SERP2: variants seen among roughly 807,000 people sequenced by gnomAD.
SERP2 encodes stress associated endoplasmic reticulum protein family member 2, also known as stress-associated endoplasmic reticulum protein 2.
A neutral mutation model predicts 9.1 loss-of-function variants in SERP2; 6 were observed. The ratio of observed to expected loss-of-function variants is 0.66; its 90% confidence interval spans 0.36 to 1.30. The LOEUF is 1.30. Ranked by LOEUF, SERP2 falls within the 50% of genes most tolerant of loss-of-function variation. SERP2 has a pLI of 0.03. For synonymous variants in SERP2, 37 were observed against 27.3 expected, an observed-to-expected ratio of 1.35 and a Z score of -1.10; for missense variants, 58 against 81.9, an observed-to-expected ratio of 0.71 and a Z score of 1.13.
intron 2 of SERP2, among the ~76,000 whole-genome samples, chr13:44,393,904 G>A (rs1443094210): frequency 1.3e-5 from 2 of 152,172 alleles, no homozygotes; most frequent in Non-Finnish European, 2.9e-5. Flanking sequence ...TCTTGTGGAG[G>A]TAAATGGTGA....
chr13:44,397,218 G>A (rs1873163158), intron 2 of SERP2, 54 bp from the exon 3 acceptor site: 2 of 1,542,570 alleles, frequency 1.3e-6, no homozygotes, highest in African/African-American at 1.4e-5. Context: ...TGTGGGCTGG[G>A]TTTCCAGCTG....
At chr13:44,387,116 A>ATGTC (rs1240693740) in intron 2 of SERP2, among the ~76,000 whole-genome samples, 1 of 152,198 alleles carries the variant, frequency 6.6e-6, no homozygotes, top group Non-Finnish European at 1.5e-5. Flanking sequence ...ATTAGCTGGA[A>ATGTC]TGTCTGTCTG....
intron 2 of SERP2, 55 bp from the exon 3 acceptor site, chr13:44,397,217 G>C: frequency 6.6e-7 from 1 of 1,523,350 alleles, no homozygotes; most frequent in Non-Finnish European, 9.1e-7. Flanking sequence ...CTGTGGGCTG[G>C]GTTTCCAGCT....
In SERP2 at chr13:44,379,661, T is replaced by C; in HGVS notation, c.105T>C (p.Tyr35=). 1 of 1,612,954 alleles carries C rather than the reference T, an allele frequency of 6.2e-7. No individual in the cohort carries two copies. The highest frequency in any genetic ancestry group is 8.5e-7 in the Non-Finnish European group (1 of 1,179,384). Residue 35 remains tyrosine (Y), a synonymous_variant, in exon 2 of 3, where the codon TAT becomes TAC. Transcript: ENST00000379179. Reference sequence around the variant, plus strand: ...TTTAGAGGCCGCAAGAGGAGAAATATCCTGTGGGACCATGGCTGTTGGCAC... The same window carrying C: ...TTTAGAGGCCGCAAGAGGAGAAATACCCTGTGGGACCATGGCTGTTGGCAC... ...AKTLRPQEEK[Y]PVGPWLLALF...
At chr13:44,394,139 A>T (rs1257758616) in intron 2 of SERP2, among the ~76,000 whole-genome samples, 1 of 151,834 alleles carries the variant, frequency 6.6e-6, no homozygotes, top group East Asian at 1.9e-4. Flanking sequence ...TATTATTTTT[A>T]TTTATTTATT....
At chr13:44,396,920 G>A (rs543648048) in intron 2 of SERP2, among the ~76,000 whole-genome samples, 3 of 152,326 alleles carry the variant, frequency 2.0e-5, no homozygotes, top group South Asian at 4.1e-4. Context: ...TTTAATGAGT[G>A]CAGTTTCTGC....
chr13:44,382,572 A>G (rs1397330119), intron 2 of SERP2, among the ~76,000 whole-genome samples: 1 of 152,162 alleles, frequency 6.6e-6, no homozygotes, highest in Non-Finnish European at 1.5e-5. Flanking sequence ...CAGTCTGTAG[A>G]TTGTCAGACC....
At chr13:44,377,342 A>C (rs1322221017) in intron 1 of SERP2, among the ~76,000 whole-genome samples, 1 of 152,246 alleles carries the variant, frequency 6.6e-6, no homozygotes, top group Non-Finnish European at 1.5e-5. Flanking sequence ...ATATAGCATC[A>C]GTGGCACAAC....
chr13:44,379,576 TG>T, intron 1 of SERP2, 64 bp from the exon 2 acceptor site: 2 of 1,243,850 alleles, frequency 1.6e-6, no homozygotes, highest in South Asian at 1.3e-5. Context: ...CAATGCCTAG[TG>T]ATACTCAAAT....
intron 2 of SERP2, among the ~76,000 whole-genome samples, chr13:44,392,370 C>T (rs1872833475): frequency 6.6e-6 from 1 of 151,732 alleles, no homozygotes; most frequent in Admixed American, 6.6e-5. Context: ...CAACGGGAAG[C>T]TTTTGATGTG....
rs1873196432 is a variant in SERP2 at position 44,397,583 on chromosome 13, T to C, written c.*271T>C. ...CGGGTCGTCCGCAGCAGTGCTGTTT[T>C]TTTGGTTTTTCCCTTGGTTTCACTA... is the stretch of plus-strand genomic sequence containing the variant. On this transcript the variant is annotated 3_prime_UTR_variant, in exon 3 of 3. Transcript: ENST00000379179. 2 of 498,006 alleles carry C rather than the reference T, an allele frequency of 4.0e-6. No homozygotes were observed. Among genetic ancestry groups the C allele is most frequent in the East Asian group, 7.4e-5 (2 of 26,932 alleles). 30.8% of individuals were successfully genotyped at this position (498,006 alleles called of 1,614,324 possible). A position where few individuals can be genotyped will look rare whatever the true frequency, so the allele number is the denominator to read the frequency against.
intron 2 of SERP2, among the ~76,000 whole-genome samples, chr13:44,380,548 TA>T (rs959667113): frequency 4.0e-5 from 6 of 150,532 alleles, no homozygotes; most frequent in African/African-American, 7.3e-5. Flanking sequence ...TCATGAAAAT[TA>T]AAAAAAAAAT....
chr13:44,397,258 T>C lies in SERP2; in HGVS notation c.158-14T>C, dbSNP rs1595060690. ...CAGTCTGGTGTCTGAGCTGTGGTGT[T>C]TTCCTCTTTTCAGCTATCTTTCAGA... On this transcript the variant is annotated splice_polypyrimidine_tract_variant and intron_variant, in intron 2 of 2. Coordinates refer to ENST00000379179, the MANE Select transcript of SERP2 (RefSeq NM_001010897.3). 3.7e-6 allele frequency: 6 copies of C among 1,613,166 alleles called. No homozygotes were observed. The highest frequency in any genetic ancestry group is 5.1e-6 in the Non-Finnish European group (6 of 1,179,284).
intron 1 of SERP2, among the ~76,000 whole-genome samples, chr13:44,374,356 T>C (rs1871512436): frequency 6.6e-6 from 1 of 152,154 alleles, no homozygotes; most frequent in Non-Finnish European, 1.5e-5. Flanking sequence ...CTACCTGGGC[T>C]ACCAGGGAGG....
chr13:44,397,387 C>G lies in SERP2; in HGVS notation c.*75C>G. The stretch of plus-strand genomic sequence containing the variant: ...AACGGAAGCGGTCAGCCAGTTTCTG[C>G]GGGAAACAAGCAGGCCACACGGAAT... On this transcript the variant is annotated 3_prime_UTR_variant, in exon 3 of 3. Transcript: ENST00000379179. The G allele has an allele frequency of 8.5e-7, 1 of 1,171,476 alleles. No homozygotes were observed. Among genetic ancestry groups the G allele is most frequent in the Non-Finnish European group, 1.3e-6 (1 of 781,426 alleles). 72.6% of individuals were successfully genotyped at this position (1,171,476 alleles called of 1,614,324 possible). A position where few individuals can be genotyped will look rare whatever the true frequency, so the allele number is the denominator to read the frequency against.
In SERP2 at chr13:44,395,932, C is replaced by G. The variant is rs1163181237; in HGVS notation, c.158-1340C>G. ...CAGAAATGGGAGCCCAGAAGTGCAGCTGACCAGAAGCATTTCAGTGTCAGA... is the reference window on the plus strand; with the variant it reads ...CAGAAATGGGAGCCCAGAAGTGCAGGTGACCAGAAGCATTTCAGTGTCAGA... On this transcript the variant is annotated intron_variant, in intron 2 of 2. Coordinates refer to ENST00000379179, the MANE Select transcript of SERP2 (RefSeq NM_001010897.3). 4 of 445,308 alleles carry G rather than the reference C, an allele frequency of 9.0e-6. No individual in the cohort carries two copies. The East Asian group carries it at 2.1e-4, about 24-fold the overall frequency. 27.6% of individuals were successfully genotyped at this position (445,308 alleles called of 1,614,324 possible).
chr13:44,379,278 G>A (rs180754873), intron 1 of SERP2, among the ~76,000 whole-genome samples: 3 of 152,280 alleles, frequency 2.0e-5, no homozygotes, highest in Admixed American at 2.0e-4. Flanking sequence ...AATGCAGACT[G>A]CCTAGTGTAG....
intron 2 of SERP2, among the ~76,000 whole-genome samples, chr13:44,390,120 G>T (rs1270618556): frequency 6.6e-6 from 1 of 152,082 alleles, no homozygotes; most frequent in Non-Finnish European, 1.5e-5. Flanking sequence ...ACCAATTTAG[G>T]CCTTTAGCAT....
At chr13:44,392,213 A>AAAAAAAAAAAAAC in intron 2 of SERP2, among the ~76,000 whole-genome samples, 1 of 147,532 alleles carries the variant, frequency 6.8e-6, no homozygotes, top group Non-Finnish European at 1.5e-5. Context: ...AAAAAAAAAA[A>AAAAAAAAAAAAAC]GCCCTGTGGT....
Sources: gnomAD v4.1 joint callset for allele counts (sites outside exome capture counted in the v4.1 genomes callset) on GRCh38, gnomAD v4.1.1 for gene constraint, MANE v1.5 for transcripts, NCBI Gene and HGNC (gene_info 2026-07-23, HGNC 2026-07-21) for gene names.